ADCK1: variants seen among roughly 807,000 people sequenced by gnomAD.
ADCK1 encodes aarF domain-containing protein kinase 1.
Under a neutral mutation model 52.3 loss-of-function variants are expected in ADCK1, and 41 were observed. The observed-to-expected ratio is 0.78, with a 90% CI of 0.61 to 1.02. The LOEUF (loss-of-function observed/expected upper bound fraction) is 1.02, where lower values mean the gene tolerates loss of function less well. Among genes scored for constraint, ADCK1 ranks in the 50% least tolerant of loss-of-function variants. The pLI, the probability that ADCK1 is intolerant of heterozygous loss-of-function variation, is 0.00. For missense variants in ADCK1, 658 were observed against 679.5 expected (o/e 0.97, Z 0.35); for synonymous variants, 250 against 274.6 (o/e 0.91, Z 0.89).
intron 3 of ADCK1, among the ~76,000 whole-genome samples, chr14:77,839,647 G>C (rs965043230): frequency 2.6e-5 from 4 of 152,126 alleles, no homozygotes; most frequent in African/African-American, 9.7e-5. Context: ...TAGAAGTAGG[G>C]AGATGGGGCC....
At chr14:77,903,250 C>G (rs2083586925) in intron 6 of ADCK1, among the ~76,000 whole-genome samples, 2 of 152,204 alleles carry the variant, frequency 1.3e-5, no homozygotes, top group Admixed American at 6.5e-5. Flanking sequence ...TTTGCCTAAA[C>G]ACATAACAAG....
chr14:77,912,476 G>T (rs865930979), intron 7 of ADCK1, among the ~76,000 whole-genome samples: 1 of 134,700 alleles, frequency 7.4e-6, no homozygotes, highest in South Asian at 2.4e-4. Context: ...GTGTGTGTGT[G>T]TAATGAAAGA....
At chr14:77,865,105 G>A (rs965865081) in intron 4 of ADCK1, among the ~76,000 whole-genome samples, 6 of 150,780 alleles carry the variant, frequency 4.0e-5, no homozygotes, top group African/African-American at 1.5e-4. Flanking sequence ...AATATAGGGA[G>A]ACCCCATCTC....
At chr14:77,899,339 C>A in intron 6 of ADCK1, 81 bp downstream of exon 6, 3 of 1,541,342 alleles carry the variant, frequency 1.9e-6, no homozygotes, top group Non-Finnish European at 2.7e-6. Flanking sequence ...TTGAGCATCC[C>A]TTTCAGGACA....
At chr14:77,932,507 C>T (rs2084365114) in intron 10 of ADCK1, among the ~76,000 whole-genome samples, 1 of 152,294 alleles carries the variant, frequency 6.6e-6, no homozygotes, top group African/African-American at 2.4e-5. Context: ...TGTTCTCACT[C>T]AAGAGAGAAA....
intron 3 of ADCK1, among the ~76,000 whole-genome samples, chr14:77,856,733 T>C (rs528211122): frequency 2.4e-4 from 37 of 152,310 alleles, no homozygotes; most frequent in African/African-American, 8.9e-4. Context: ...TGAGGCAGGT[T>C]AAAACTCATT....
In ADCK1 at chr14:77,878,002, C is replaced by T. The variant is rs117286063; in HGVS notation, c.424-9089C>T. 8.6e-4 allele frequency among the ~76,000 whole-genome samples: 131 copies of T among 152,342 alleles called. 2 individuals are homozygous for T. The East Asian group carries it at 0.021, about 24-fold the overall frequency. On this transcript the variant is annotated intron_variant, in intron 4 of 10. Transcript: ENST00000238561. Reference sequence around the variant, plus strand: ...CTCAGAGAAGCTCTCTCTGCTCTCCCTGAGCAGGTTCAGCCCCTGAGCATA... The same window carrying T: ...CTCAGAGAAGCTCTCTCTGCTCTCCTTGAGCAGGTTCAGCCCCTGAGCATA...
At chr14:77,901,298 C>T (rs1171925704) in intron 6 of ADCK1, among the ~76,000 whole-genome samples, 1 of 151,484 alleles carries the variant, frequency 6.6e-6, no homozygotes, top group East Asian at 1.9e-4. Flanking sequence ...GATTTGCCCA[C>T]TTTGGCCTCC....
intron 3 of ADCK1, among the ~76,000 whole-genome samples, chr14:77,837,153 CTT>C (rs148898631): frequency 0.39 from 54,701 of 140,884 alleles, 10,774 homozygotes; most frequent in Admixed American, 0.51. Context: ...CTTAAAAATT[CTT>C]TTTTTTTTTT....
chr14:77,846,674 G>A (rs553547312), intron 3 of ADCK1, among the ~76,000 whole-genome samples: 1 of 152,210 alleles, frequency 6.6e-6, no homozygotes, highest in African/African-American at 2.4e-5. Flanking sequence ...AGGGCAGAGT[G>A]GGGGCTGGTG....
At chr14:77,879,435 T>A (rs1226971465) in intron 4 of ADCK1, among the ~76,000 whole-genome samples, 2 of 151,958 alleles carry the variant, frequency 1.3e-5, no homozygotes, top group African/African-American at 4.8e-5. Flanking sequence ...ATTGGAAGAA[T>A]GAGTGGGGGA....
At chr14:77,813,842 T>G (rs2081385332) in intron 1 of ADCK1, among the ~76,000 whole-genome samples, 1 of 151,806 alleles carries the variant, frequency 6.6e-6, no homozygotes, top group Admixed American at 6.6e-5. Context: ...CAATCTCGGC[T>G]CACTGCAACC....
chr14:77,817,602 A>G (rs926598134), intron 1 of ADCK1, among the ~76,000 whole-genome samples: 3 of 152,254 alleles, frequency 2.0e-5, no homozygotes, highest in African/African-American at 7.2e-5. Context: ...AGGAGTATGA[A>G]TTTGAACAGA....
At chr14:77,901,045 CTTT>C (rs34756369) in intron 6 of ADCK1, among the ~76,000 whole-genome samples, 8 of 134,090 alleles carry the variant, frequency 6.0e-5, no homozygotes, top group Admixed American at 7.6e-5. Flanking sequence ...AGTTGGTGTT[CTTT>C]TTTTTTTTTT....
chr14:77,849,648 CATT>C (rs1240414176), intron 3 of ADCK1, among the ~76,000 whole-genome samples: 1 of 151,868 alleles, frequency 6.6e-6, no homozygotes, highest in Non-Finnish European at 1.5e-5. Flanking sequence ...GATGGGCTCT[CATT>C]ATGTTGCCCA....
intron 5 of ADCK1, among the ~76,000 whole-genome samples, chr14:77,893,395 G>A (rs887362083): frequency 1.3e-5 from 2 of 151,964 alleles, no homozygotes; most frequent in Non-Finnish European, 2.9e-5. Flanking sequence ...CTGAGCTGGG[G>A]GACTACCATA....
chr14:77,822,000 A>G (rs948444211), intron 2 of ADCK1, among the ~76,000 whole-genome samples: 1 of 152,092 alleles, frequency 6.6e-6, no homozygotes, highest in Non-Finnish European at 1.5e-5. Flanking sequence ...ACTTTATTCA[A>G]GTAGCTTTGA....
intron 6 of ADCK1, among the ~76,000 whole-genome samples, chr14:77,904,440 A>C (rs567638492): frequency 6.6e-6 from 1 of 152,336 alleles, no homozygotes; most frequent in South Asian, 2.1e-4. Context: ...GTCTGACTGC[A>C]TGTCTCCAGG....
At chr14:77,889,887 A>T (rs1320150022) in intron 5 of ADCK1, among the ~76,000 whole-genome samples, 2 of 4,706 alleles carry the variant, frequency 4.2e-4, no homozygotes, top group African/African-American at 1.2e-3. Context: ...ATATAGAGTT[A>T]AAAAAAAAAA....
Sources: gnomAD v4.1 joint callset for allele counts (sites outside exome capture counted in the v4.1 genomes callset) on GRCh38, gnomAD v4.1.1 for gene constraint, MANE v1.5 for transcripts, NCBI Gene and HGNC (gene_info 2026-07-23, HGNC 2026-07-21) for gene names.